The following DYNC2H1 variants were observed in gnomAD, a reference collection of about 807,000 sequenced individuals.
DYNC2H1 encodes the protein cytoplasmic dynein 2 heavy chain 1.
Under a neutral mutation model 570.0 loss-of-function variants are expected in DYNC2H1, and 410 were observed. The ratio of observed to expected loss-of-function variants is 0.72; its 90% CI spans 0.66 to 0.78. The LOEUF (loss-of-function observed/expected upper bound fraction) is 0.78. DYNC2H1 is among the 30% of genes least tolerant of loss of function. The pLI is 0.00. For synonymous variants in DYNC2H1, 1,688 were observed against 1,677.6 expected, an observed-to-expected ratio of 1.01 and a Z score of -0.15; for missense variants, 4,865 against 5,046.4, an observed-to-expected ratio of 0.96 and a Z score of 1.09.
intron 80 of DYNC2H1, 67 bp downstream of exon 80, chr11:103,316,687 G>GT (rs2135427947): frequency 3.2e-6 from 4 of 1,235,874 alleles, no homozygotes; most frequent in Non-Finnish European, 4.3e-6. Context: ...TATTAACTAT[G>GT]TTTTCTTCAG....
At chr11:103,216,869 A>G (rs761514448) in intron 55 of DYNC2H1, among the ~76,000 whole-genome samples, 2 of 152,188 alleles carry the variant, frequency 1.3e-5, no homozygotes, top group African/African-American at 4.8e-5. Context: ...AACAGGTTCA[A>G]AACTGAACTT....
At chr11:103,434,326 T>C (rs1305272444) in intron 84 of DYNC2H1, among the ~76,000 whole-genome samples, 1 of 152,124 alleles carries the variant, frequency 6.6e-6, no homozygotes. Context: ...AGCCTTTCTT[T>C]CTATCTTAGG....
At position 103,255,448 on chromosome 11, in the gene DYNC2H1, G is replaced by T; in HGVS notation, c.10240G>T (p.Asp3414Tyr). The T allele has an allele frequency of 6.4e-7, 1 of 1,567,906 alleles. No individual in the cohort carries two copies. Among genetic ancestry groups the T allele is most frequent in the South Asian group, 1.2e-5 (1 of 84,744 alleles). ...LALTIQHEKP[D>Y]LEEQKTKLLQ... Reference sequence around the variant, plus strand: ...TTTAACCATTCAGCATGAGAAACCTGATTTAGAAGAACAGAAAACAAAACT... The same window carrying T: ...TTTAACCATTCAGCATGAGAAACCTTATTTAGAAGAACAGAAAACAAAACT... The change falls in exon 67 of 89, where the codon GAT becomes TAT. Residue 3414 changes from aspartate (D) to tyrosine (Y), a missense_variant. By Grantham distance (160) the Asp-to-Tyr change is radical (BLOSUM62 -3). Coordinates refer to ENST00000375735, the MANE Select transcript of DYNC2H1 (RefSeq NM_001377.3).
Position 103,441,052 on chromosome 11 carries a change from C to A in DYNC2H1, c.12456+5020C>A, listed in dbSNP as rs180671385. Among the ~76,000 whole-genome samples, 553 of 152,274 alleles carry A rather than the reference C, an allele frequency of 3.6e-3. 7 individuals carry two copies. The highest frequency in any genetic ancestry group is 5.7e-3 in the Admixed American group (87 of 15,296). On this transcript the variant is annotated intron_variant, in intron 85 of 88. Coordinates refer to ENST00000375735, the MANE Select transcript of DYNC2H1 (RefSeq NM_001377.3). ...TGGAAATATCCCCATGACTAGTCAT[C>A]TTGAGTATCAAAATCCTTACACATC...
In DYNC2H1 at chr11:103,170,840, T is replaced by G; in HGVS notation, c.5152-46T>G. 1 of 1,357,550 alleles carries G rather than the reference T, an allele frequency of 7.4e-7. No individual in the cohort carries two copies. Among genetic ancestry groups the G allele is most frequent in the Non-Finnish European group, 9.6e-7 (1 of 1,037,224 alleles). 84.1% of individuals were successfully genotyped at this position (1,357,550 alleles called of 1,614,324 possible). ...ATTAAATATTAAGTAGTTATGGAGA[T>G]TTTGATTATTTTTTAATGACTATAA... On this transcript the variant is annotated intron_variant, in intron 33 of 88. Coordinates refer to ENST00000375735, the MANE Select transcript of DYNC2H1 (RefSeq NM_001377.3). The surrounding 1 kb of genome is among the most constrained non-coding windows in gnomAD (Gnocchi z 4.8).
chr11:103,128,879 A>T, intron 12 of DYNC2H1, 31 bp from the exon 13 acceptor site: 1 of 1,428,818 alleles, frequency 7.0e-7, no homozygotes, highest in Non-Finnish European at 9.6e-7. Context: ...TGAAGTTATT[A>T]ATTATTACTA....
chr11:103,455,079 T>A (rs1944739292), intron 85 of DYNC2H1, 107 bp from the exon 86 acceptor site: 1 of 716,932 alleles, frequency 1.4e-6, no homozygotes, highest in Non-Finnish European at 2.3e-6. Context: ...TAGCTACCAT[T>A]TCAGAGCATT....
chr11:103,343,262 C>G (rs545090678), intron 82 of DYNC2H1, among the ~76,000 whole-genome samples: 6 of 152,188 alleles, frequency 3.9e-5, no homozygotes, highest in African/African-American at 1.4e-4. Context: ...AAGCGCAACT[C>G]GACCATCTAT....
chr11:103,153,298 T>G lies in DYNC2H1; in HGVS notation c.3097-5T>G. On this transcript the variant is annotated splice_polypyrimidine_tract_variant and splice_region_variant and intron_variant, in intron 21 of 88. Coordinates refer to ENST00000375735, the MANE Select transcript of DYNC2H1 (RefSeq NM_001377.3). The stretch of plus-strand genomic sequence containing the variant: ...TTAAATTATTTAAATTTTATTGGCT[T>G]ATAGATTGAAGTGATGAAAGGAAAT... 1 of 1,529,630 alleles carries G rather than the reference T, an allele frequency of 6.5e-7. No individual in the cohort carries two copies. Among genetic ancestry groups the G allele is most frequent in the Middle Eastern group, 1.7e-4 (1 of 5,792 alleles). The allele number at this position is 1,529,630 out of a possible 1,614,324, so 94.8% of individuals were successfully genotyped here.
chr11:103,257,839 A>G (rs1173751756), intron 69 of DYNC2H1, 88 bp downstream of exon 69: 5 of 1,241,498 alleles, frequency 4.0e-6, no homozygotes, highest in Non-Finnish European at 5.1e-6. Flanking sequence ...AAAATTATTA[A>G]GCAAACTTTC....
At chr11:103,402,813 G>GA (rs1942698405) in intron 84 of DYNC2H1, 1 of 152,052 alleles carries the variant, frequency 6.6e-6, no homozygotes, top group African/African-American at 2.4e-5. Context: ...CTATTGGTTG[G>GA]ATGAATAGGC....
intron 17 of DYNC2H1, among the ~76,000 whole-genome samples, chr11:103,140,994 G>A (rs528626695): frequency 3.3e-5 from 5 of 151,922 alleles, no homozygotes; most frequent in East Asian, 3.9e-4. Context: ...CCAGTTGATC[G>A]CATCGGCTCC....
chr11:103,282,331 G>A, intron 72 of DYNC2H1, 102 bp downstream of exon 72: 3 of 986,676 alleles, frequency 3.0e-6, no homozygotes, highest in South Asian at 3.1e-5. Flanking sequence ...AATTATTGTT[G>A]AAGTTATAAT....
In DYNC2H1 at chr11:103,465,139, AAAG is replaced by A. The variant is rs1007176158; in HGVS notation, c.12649-3449_12649-3447del. ...TAGCAGAAAAGGAGAAAAAGCAAAA[AAAG>A]GTAAAGAGAAAAAAATATAAAATGG... is the stretch of plus-strand genomic sequence containing the variant. On this transcript the variant is annotated intron_variant, in intron 87 of 88. Transcript: ENST00000375735. The surrounding 1 kb of genome is among the most constrained non-coding windows in gnomAD (Gnocchi z 4.9). Among the ~76,000 whole-genome samples, 37 of 152,284 alleles carry A rather than the reference AAAG, an allele frequency of 2.4e-4. No homozygotes were observed. Among genetic ancestry groups the A allele is most frequent in the African/African-American group, 8.9e-4 (37 of 41,570 alleles).
intron 20 of DYNC2H1, 76 bp from the exon 21 acceptor site, chr11:103,152,060 T>TC (rs1200709952): frequency 4.4e-6 from 6 of 1,356,138 alleles, no homozygotes; most frequent in Non-Finnish European, 5.9e-6. Flanking sequence ...GAAACAAAAA[T>TC]TAAAATAAAT....
chr11:103,392,424 A>T (rs1016214718), intron 83 of DYNC2H1, among the ~76,000 whole-genome samples: 1 of 152,196 alleles, frequency 6.6e-6, no homozygotes, highest in African/African-American at 2.4e-5. Flanking sequence ...AGGAAAGGGA[A>T]TTCCCTGACC....
chr11:103,292,145 GTCT>G (rs922798052), intron 75 of DYNC2H1, among the ~76,000 whole-genome samples: 7 of 143,646 alleles, frequency 4.9e-5, no homozygotes, highest in African/African-American at 7.9e-5. Context: ...TTTTGTTAGT[GTCT>G]TCTTCTTCTC....
chr11:103,454,282 G>GTA (rs1189429444), intron 85 of DYNC2H1, among the ~76,000 whole-genome samples: 12 of 152,196 alleles, frequency 7.9e-5, no homozygotes, highest in African/African-American at 2.6e-4. Context: ...TGAGGATTCT[G>GTA]TACGTTTTTA....
intron 63 of DYNC2H1, among the ~76,000 whole-genome samples, chr11:103,242,998 T>C (rs1864475771): frequency 6.6e-6 from 1 of 152,130 alleles, no homozygotes; most frequent in African/African-American, 2.4e-5. Flanking sequence ...ACACCGGGCC[T>C]GACTTCCTTT....
Sources: allele counts gnomAD v4.1 joint callset (sites outside exome capture counted in the v4.1 genomes callset), GRCh38; gene constraint gnomAD v4.1.1; non-coding constraint Gnocchi (gnomAD v3.1); transcripts MANE v1.5; gene names NCBI Gene and HGNC (gene_info 2026-07-23, HGNC 2026-07-21).